The following GMPS variants were observed in gnomAD, a reference collection of about 807,000 sequenced individuals.
The protein encoded by GMPS is guanosine monophosphate synthase.
In GMPS, 15 loss-of-function variants were observed where a neutral mutation model predicts 77.9. That is an observed-to-expected ratio of 0.19 (90% CI 0.13 to 0.30). The LOEUF (loss-of-function observed/expected upper bound fraction) is 0.30, where lower values mean the gene tolerates loss of function less well. GMPS is among the 10% of genes least tolerant of loss of function. The pLI is 1.00. For synonymous variants in GMPS, 224 were observed against 275.9 expected (o/e 0.81, Z 1.86); for missense variants, 590 against 838.8 (o/e 0.70, Z 3.66).
At chr3:155,914,187 C>G (rs547687993) in intron 7 of GMPS, among the ~76,000 whole-genome samples, 1 of 152,004 alleles carries the variant, frequency 6.6e-6, no homozygotes, top group Non-Finnish European at 1.5e-5. Context: ...ACCTCGTGAT[C>G]CACCTGTCTC....
At chr3:155,874,853 C>G (rs1432315905) in intron 1 of GMPS, among the ~76,000 whole-genome samples, 1 of 150,676 alleles carries the variant, frequency 6.6e-6, no homozygotes, top group African/African-American at 2.4e-5. Flanking sequence ...ATTTGCTACC[C>G]AGAATAATCA....
intron 12 of GMPS, among the ~76,000 whole-genome samples, chr3:155,927,911 C>A (rs751537425): frequency 3.3e-5 from 5 of 151,480 alleles, no homozygotes; most frequent in Non-Finnish European, 7.4e-5. Flanking sequence ...TTTAACTATT[C>A]TTCTAACCAA....
In GMPS at chr3:155,916,043, ATGAACT is replaced by A. The variant is rs1755169066; in HGVS notation, c.1068_1073del (p.Asn356_Leu357del). On this transcript the variant is annotated inframe_deletion, in exon 9 of 16. Coordinates refer to ENST00000496455, the MANE Select transcript of GMPS (RefSeq NM_003875.3). Reference sequence around the variant, plus strand: ...GATTGCCAATGAAGTAATTGGAGAAATGAACTTGAAACCAGAGGAGGTTTTCCTTGC... The same window carrying A: ...GATTGCCAATGAAGTAATTGGAGAAATGAAACCAGAGGAGGTTTTCCTTGC... 4 of 1,613,132 alleles carry A rather than the reference ATGAACT, an allele frequency of 2.5e-6. No homozygotes were observed. The highest frequency in any genetic ancestry group is 1.7e-5 in the Admixed American group (1 of 59,884).
chr3:155,905,525 C>CT (rs375502776), intron 4 of GMPS, among the ~76,000 whole-genome samples: 2 of 152,236 alleles, frequency 1.3e-5, no homozygotes, highest in African/African-American at 4.8e-5. Context: ...GTTTCTAGGA[C>CT]TTTCAGATAA....
intron 12 of GMPS, among the ~76,000 whole-genome samples, chr3:155,928,814 A>C (rs1388088655): frequency 3.3e-5 from 5 of 150,432 alleles, no homozygotes; most frequent in Admixed American, 6.6e-5. Flanking sequence ...GCGATAGTTT[A>C]CTGAGAATGA....
intron 1 of GMPS, among the ~76,000 whole-genome samples, chr3:155,880,100 T>G (rs112441679): frequency 0.02 from 3,017 of 152,218 alleles, 94 homozygotes; most frequent in African/African-American, 0.07. Context: ...TATTTCTTCT[T>G]TTGTCACTTT....
At chr3:155,936,926 T>G (rs1176077070) in intron 15 of GMPS, among the ~76,000 whole-genome samples, 1 of 152,204 alleles carries the variant, frequency 6.6e-6, no homozygotes, top group East Asian at 1.9e-4. Context: ...TTTTTGATCC[T>G]TCTTTGTCTT....
intron 1 of GMPS, among the ~76,000 whole-genome samples, chr3:155,887,899 T>C (rs1560038155): frequency 6.6e-6 from 1 of 152,232 alleles, no homozygotes; most frequent in East Asian, 1.9e-4. Context: ...ACTTTCAACT[T>C]TTCTTTAGGT....
chr3:155,943,391 C>T lies in GMPS; in HGVS notation c.*5699C>T, dbSNP rs1405350853. 5.5e-6 allele frequency: 1 copy of T among 180,616 alleles called. No homozygotes were observed. Among genetic ancestry groups the T allele is most frequent in the Admixed American group, 6.3e-5 (1 of 15,914 alleles). The allele number at this position is 180,616 out of a possible 1,614,324, so 11.2% of individuals were successfully genotyped here. ...CTCTGAGTTCTCCAGGAAGCCTAAA[C>T]CTTGAGCAGTATCTTATTCAAGTGG... is the stretch of plus-strand genomic sequence containing the variant. On this transcript the variant is annotated 3_prime_UTR_variant, in exon 16 of 16. Transcript: ENST00000496455.
Position 155,925,247 on chromosome 3 carries a change from A to G in GMPS, c.1441A>G (p.Thr481Ala), listed in dbSNP as rs2108130655. The G allele has an allele frequency of 6.2e-7, 1 of 1,609,736 alleles. No homozygotes were observed. The highest frequency in any genetic ancestry group is 8.5e-7 in the Non-Finnish European group (1 of 1,178,342). Reference protein sequence around the residue: ...DFSASVKKPHTLLQRVKACTT... With the variant: ...DFSASVKKPHALLQRVKACTT... ...CCTCTTTGGTTTTTCTCAGCCACAT[A>G]CCCTATTACAGAGAGTCAAAGCCTG... The change falls in exon 12 of 16, where the codon ACC (threonine) becomes GCC (alanine). Residue 481 changes from threonine to alanine, a missense_variant. Physicochemically the swap from Thr to Ala is moderately conservative, Grantham distance 58 (BLOSUM62 0). This residue lies in a region of GMPS where 89 missense variants were observed against 95.9 expected (regional missense o/e 0.93). Coordinates refer to ENST00000496455, the MANE Select transcript of GMPS (RefSeq NM_003875.3).
intron 5 of GMPS, 37 bp from the exon 6 acceptor site, chr3:155,910,655 G>T: frequency 1.8e-6 from 2 of 1,105,552 alleles, no homozygotes; most frequent in East Asian, 2.6e-5. Context: ...TTTTCAGCAT[G>T]AAAAAATTTT....
chr3:155,903,212 G>T (rs1457352513), intron 3 of GMPS, among the ~76,000 whole-genome samples: 3 of 152,170 alleles, frequency 2.0e-5, no homozygotes, highest in Non-Finnish European at 4.4e-5. Flanking sequence ...ATATTTATCT[G>T]ATATGGGAAG....
intron 14 of GMPS, 35 bp downstream of exon 14, chr3:155,935,081 A>G: frequency 5.3e-6 from 8 of 1,523,006 alleles, no homozygotes; most frequent in Non-Finnish European, 7.3e-6. Context: ...CTACCCTCTG[A>G]AACTAGTTTT....
chr3:155,925,855 G>T (rs1383848620), intron 12 of GMPS, among the ~76,000 whole-genome samples: 3 of 152,122 alleles, frequency 2.0e-5, no homozygotes, highest in Non-Finnish European at 4.4e-5. Flanking sequence ...TTTAGGTGTT[G>T]TTCTCAGCTT....
At chr3:155,917,875 A>AAAAC (rs745957168) in intron 9 of GMPS, among the ~76,000 whole-genome samples, 3 of 152,160 alleles carry the variant, frequency 2.0e-5, no homozygotes, top group African/African-American at 4.8e-5. Flanking sequence ...CTGTCTCAAA[A>AAAAC]AAACAAACAA....
At chr3:155,880,554 G>A (rs1436157967) in intron 1 of GMPS, among the ~76,000 whole-genome samples, 2 of 152,140 alleles carry the variant, frequency 1.3e-5, no homozygotes, top group Non-Finnish European at 2.9e-5. Context: ...GTATGTAGTT[G>A]AGTTTTGACA....
At position 155,943,919 on chromosome 3, in the gene GMPS, G is replaced by A. The variant is rs1003173059; in HGVS notation, c.*6227G>A. Reference sequence around the variant, plus strand: ...TTAACATTTTGCTCAATGTTAACGGGGGACATAATGGACATAAAACATTGG... The same window carrying A: ...TTAACATTTTGCTCAATGTTAACGGAGGACATAATGGACATAAAACATTGG... On this transcript the variant is annotated 3_prime_UTR_variant, in exon 16 of 16. Coordinates refer to ENST00000496455, the MANE Select transcript of GMPS (RefSeq NM_003875.3). 6.6e-6 allele frequency: 1 copy of A among 152,228 alleles called. No homozygotes were observed. The highest frequency in any genetic ancestry group is 1.5e-5 in the Non-Finnish European group (1 of 68,114). The allele number at this position is 152,228 out of a possible 1,614,324, so 9.4% of individuals were successfully genotyped here. A position where few individuals can be genotyped will look rare whatever the true frequency, so the allele number is the denominator to read the frequency against.
chr3:155,935,873 G>T lies in GMPS; in HGVS notation c.1808-465G>T, dbSNP rs115479295. ...TAAAGAGCTACTGATTGTCAGTTCA[G>T]TGTTAATGAATCTATAATAAATATT... On this transcript the variant is annotated intron_variant, in intron 14 of 15. Coordinates refer to ENST00000496455, the MANE Select transcript of GMPS (RefSeq NM_003875.3). 2.9e-3 allele frequency among the ~76,000 whole-genome samples: 442 copies of T among 152,254 alleles called. 1 individual carries two copies. The highest frequency in any genetic ancestry group is 0.011 in the Admixed American group (173 of 15,290).
intron 3 of GMPS, among the ~76,000 whole-genome samples, chr3:155,903,636 G>A (rs1754788193): frequency 6.6e-6 from 1 of 152,150 alleles, no homozygotes; most frequent in South Asian, 2.1e-4. Context: ...GAAATTAACT[G>A]CAGGTCAAAT....
Sources: gnomAD v4.1 joint callset for allele counts (sites outside exome capture counted in the v4.1 genomes callset) on GRCh38, gnomAD v4.1.1 for gene constraint, gnomAD v4.1.1 regional missense constraint, MANE v1.5 for transcripts, NCBI Gene and HGNC (gene_info 2026-07-23, HGNC 2026-07-21) for gene names.